XRCC4: variants seen among roughly 807,000 people sequenced by gnomAD.
The protein encoded by XRCC4 is X-ray repair cross complementing 4, also known as DNA repair protein XRCC4.
In XRCC4, 28 loss-of-function variants were observed where a neutral mutation model predicts 39.1. That is an observed-to-expected ratio of 0.72 (90% confidence interval 0.53 to 0.98). The LOEUF (loss-of-function observed/expected upper bound fraction) is 0.98. Among genes scored for constraint, XRCC4 ranks in the 50% least tolerant of loss-of-function variants. The pLI is 0.00. For synonymous variants in XRCC4, 123 were observed against 126.4 expected (o/e 0.97, Z 0.18); for missense variants, 350 against 376.4 (o/e 0.93, Z 0.58).
At chr5:83,189,455 C>T (rs1006970159) in intron 3 of XRCC4, among the ~76,000 whole-genome samples, 2 of 152,062 alleles carry the variant, frequency 1.3e-5, no homozygotes, top group African/African-American at 4.8e-5. Context: ...TTACTTTTCA[C>T]CCCTAGATTA....
In XRCC4 at chr5:83,181,709, T is replaced by C. The variant is rs1288471798; in HGVS notation, c.316-14061T>C. Among the ~76,000 whole-genome samples, 3 of 152,150 alleles carry C rather than the reference T, an allele frequency of 2.0e-5. No individual in the cohort carries two copies. In the East Asian group the frequency reaches 5.8e-4, roughly 29 times the overall value. ...ACACAGGTAAGCCAGAGATTAATGA[T>C]TACAGGAAGAGGCTACCACACCAAA... On this transcript the variant is annotated intron_variant, in intron 3 of 7. Coordinates refer to ENST00000396027, the MANE Select transcript of XRCC4 (RefSeq NM_003401.5).
intron 7 of XRCC4, among the ~76,000 whole-genome samples, chr5:83,315,230 T>G (rs1041391821): frequency 6.6e-6 from 1 of 152,014 alleles, no homozygotes; most frequent in East Asian, 1.9e-4. Context: ...GCCCTAACTC[T>G]CATCAATTCT....
At position 83,203,648 on chromosome 5, in the gene XRCC4, T is replaced by C; in HGVS notation, c.579T>C (p.Ser193=). The change falls in exon 5 of 8, where the codon AGT becomes AGC. Residue 193 remains serine, a synonymous_variant. Coordinates refer to ENST00000396027, the MANE Select transcript of XRCC4 (RefSeq NM_003401.5). Reference sequence around the variant, plus strand: ...ATGAGAAGAAAACAAAAATCAGAAGTTTGCATAATAAATTATTAAATGCAG... The same window carrying C: ...ATGAGAAGAAAACAAAAATCAGAAGCTTGCATAATAAATTATTAAATGCAG... ...VLNEKKTKIR[S]LHNKLLNAAQ... 1.2e-6 allele frequency: 2 copies of C among 1,611,448 alleles called. No individual in the cohort carries two copies. Among genetic ancestry groups the C allele is most frequent in the Non-Finnish European group, 1.7e-6 (2 of 1,178,972 alleles).
intron 3 of XRCC4, among the ~76,000 whole-genome samples, chr5:83,151,214 ACATAAAT>A (rs1384756548): frequency 6.6e-6 from 1 of 152,156 alleles, no homozygotes; most frequent in Non-Finnish European, 1.5e-5. Flanking sequence ...TCCATGAATC[ACATAAAT>A]CATAAATATG....
chr5:83,206,060 C>G (rs1369118584), intron 6 of XRCC4, among the ~76,000 whole-genome samples: 1 of 152,050 alleles, frequency 6.6e-6, no homozygotes, highest in Non-Finnish European at 1.5e-5. Flanking sequence ...GATGGGACCT[C>G]ATCACGTGTA....
chr5:83,373,336 TC>T, the XRCC4 span, among the ~76,000 whole-genome samples: 5 of 152,252 alleles, frequency 3.3e-5, no homozygotes, highest in Admixed American at 6.5e-5. Flanking sequence ...CCTTTGTTTT[TC>T]CTCACCATAA....
At chr5:83,212,221 G>GT (rs1310577616) in intron 6 of XRCC4, among the ~76,000 whole-genome samples, 1 of 151,998 alleles carries the variant, frequency 6.6e-6, no homozygotes, top group Non-Finnish European at 1.5e-5. Flanking sequence ...CGATATAAAT[G>GT]TATCAACAAG....
rs563909039 is a variant in XRCC4, at chr5:83,080,782, C to T, written c.-11+3167C>T. On this transcript the variant is annotated intron_variant, in intron 1 of 7. Transcript: ENST00000396027. ...TTATTGCTTCAAAGCACAAGAGTAA[C>T]GACGCTGGCAATTTGGTTATGCCAA... 2.2e-4 allele frequency among the ~76,000 whole-genome samples: 33 copies of T among 152,208 alleles called. No homozygotes were observed. The South Asian group carries it at 5.6e-3, about 26-fold the overall frequency.
intron 6 of XRCC4, among the ~76,000 whole-genome samples, chr5:83,215,805 T>C (rs982382562): frequency 2.6e-5 from 4 of 152,138 alleles, no homozygotes; most frequent in Admixed American, 1.3e-4. Flanking sequence ...TTACCTCATA[T>C]GAAACACAAA....
chr5:83,158,678 C>G (rs150486141), intron 3 of XRCC4, among the ~76,000 whole-genome samples: 1 of 151,942 alleles, frequency 6.6e-6, no homozygotes, highest in Non-Finnish European at 1.5e-5. Flanking sequence ...AAGACAGTTG[C>G]ACATTATACT....
At chr5:83,204,985 C>T in intron 6 of XRCC4, 64 bp downstream of exon 6, 2 of 1,108,410 alleles carry the variant, frequency 1.8e-6, no homozygotes, top group Non-Finnish European at 1.3e-6. Context: ...ATTCTAATGA[C>T]AAGAAACCAT....
chr5:83,202,579 CTATA>C (rs1751249965), intron 4 of XRCC4, among the ~76,000 whole-genome samples: 4 of 151,728 alleles, frequency 2.6e-5, no homozygotes, highest in African/African-American at 4.8e-5. Flanking sequence ...ATGTGTGTGT[CTATA>C]TATGTACACA....
At chr5:83,282,145 A>G (rs1473301748) in intron 7 of XRCC4, among the ~76,000 whole-genome samples, 1 of 152,222 alleles carries the variant, frequency 6.6e-6, no homozygotes, top group African/African-American at 2.4e-5. Context: ...AAATAGCAAA[A>G]TAGAAAATGG....
chr5:83,080,599 C>G lies in XRCC4; in HGVS notation c.-11+2984C>G, dbSNP rs78913202. 1.6e-3 allele frequency among the ~76,000 whole-genome samples: 246 copies of G among 151,974 alleles called. 1 individual carries two copies. The highest frequency in any genetic ancestry group is 5.6e-3 in the African/African-American group (232 of 41,458). On this transcript the variant is annotated intron_variant, in intron 1 of 7. Coordinates refer to ENST00000396027, the MANE Select transcript of XRCC4 (RefSeq NM_003401.5). ...ATGCCTTTCTGAGTTGTGATGAAATCTTATTCCATCCTATCCCATTCAGCC... is the reference window on the plus strand; with the variant it reads ...ATGCCTTTCTGAGTTGTGATGAAATGTTATTCCATCCTATCCCATTCAGCC...
chr5:83,135,831 G>A lies in XRCC4; in HGVS notation c.315+24628G>A, dbSNP rs930439367. Among the ~76,000 whole-genome samples the A allele has an allele frequency of 4.6e-5, 7 of 152,086 alleles. No individual in the cohort carries two copies. The South Asian group carries it at 6.2e-4, about 14-fold the overall frequency. ...GAATAAAATTGTAATAACCTTTAAT[G>A]ACCTTGTGTATGAATATTTCTTAAT... is the stretch of plus-strand genomic sequence containing the variant. On this transcript the variant is annotated intron_variant, in intron 3 of 7. Coordinates refer to ENST00000396027, the MANE Select transcript of XRCC4 (RefSeq NM_003401.5).
intron 6 of XRCC4, among the ~76,000 whole-genome samples, chr5:83,221,424 T>G (rs1294117433): frequency 6.6e-6 from 1 of 152,138 alleles, no homozygotes; most frequent in Admixed American, 6.6e-5. Flanking sequence ...GCAGTCTGAT[T>G]ACAGAGCTCA....
rs573685506 is a variant in XRCC4, at chr5:83,331,032, G to A, written c.894-22099G>A. ...CTACCTACCTCATCATTAAAATACA[G>A]CAGGAATAGGTAGATGCAATACTCT... On this transcript the variant is annotated intron_variant, in intron 7 of 7. Transcript: ENST00000396027. 3.9e-5 allele frequency among the ~76,000 whole-genome samples: 6 copies of A among 152,142 alleles called. No individual in the cohort carries two copies. In the South Asian group the frequency reaches 1.2e-3, roughly 32 times the overall value.
chr5:83,162,145 C>T (rs149034516), intron 3 of XRCC4, among the ~76,000 whole-genome samples: 77 of 151,704 alleles, frequency 5.1e-4, no homozygotes, highest in African/African-American at 1.7e-3. Context: ...CCAGCCTGGG[C>T]GACAGAGCGA....
chr5:83,144,820 A>G (rs1748372958), intron 3 of XRCC4, among the ~76,000 whole-genome samples: 1 of 151,752 alleles, frequency 6.6e-6, no homozygotes, highest in African/African-American at 2.4e-5. Flanking sequence ...TTTATTTGTA[A>G]TATTTCCATT....
Sources: allele counts gnomAD v4.1 joint callset (sites outside exome capture counted in the v4.1 genomes callset), GRCh38; gene constraint gnomAD v4.1.1; transcripts MANE v1.5; gene names NCBI Gene and HGNC (gene_info 2026-07-23, HGNC 2026-07-21).